Variants in TACC1 observed in about 807,000 individuals in gnomAD.
The protein encoded by TACC1 is transforming acidic coiled-coil containing protein 1, also known as transforming acidic coiled-coil-containing protein 1.
Under a neutral mutation model 84.4 loss-of-function variants are expected in TACC1, and 48 were observed. The observed-to-expected ratio is 0.57, with a 90% CI of 0.45 to 0.72. The LOEUF (loss-of-function observed/expected upper bound fraction) is 0.72, where lower values mean the gene tolerates loss of function less well. Ranked by LOEUF, TACC1 falls within the 30% of genes least tolerant of loss-of-function variation. The probability of loss-of-function intolerance (pLI) is 0.00; values close to 1 mark genes in which losing one functional copy is unlikely to be tolerated. For synonymous variants in TACC1, 372 were observed against 376.3 expected, an observed-to-expected ratio of 0.99 and a Z score of 0.13; for missense variants, 920 against 973.0, an observed-to-expected ratio of 0.95 and a Z score of 0.72.
intron 3 of TACC1, among the ~76,000 whole-genome samples, chr8:38,746,122 G>T (rs1808043110): frequency 6.6e-6 from 1 of 152,216 alleles, no homozygotes; most frequent in South Asian, 2.1e-4. Flanking sequence ...CAGCCGGCAA[G>T]GGCTTGAAAG....
At chr8:38,774,649 C>T (rs1814422538) in intron 3 of TACC1, among the ~76,000 whole-genome samples, 1 of 152,156 alleles carries the variant, frequency 6.6e-6, no homozygotes, top group Non-Finnish European at 1.5e-5. Context: ...TGCATTGCCA[C>T]ACCAGGCTAA....
At chr8:38,804,484 A>G (rs1822181894) in intron 2 of TACC1, among the ~76,000 whole-genome samples, 1 of 152,040 alleles carries the variant, frequency 6.6e-6, no homozygotes, top group Admixed American at 6.6e-5. Context: ...TATTTTTAGT[A>G]GAGATGGGGT....
At chr8:38,796,237 G>A (rs968972128) in intron 2 of TACC1, among the ~76,000 whole-genome samples, 5 of 152,202 alleles carry the variant, frequency 3.3e-5, no homozygotes, top group Non-Finnish European at 7.3e-5. Context: ...AGCCTTTACT[G>A]CTAGTAGTGG....
chr8:38,762,611 C>A (rs1224066821), intron 3 of TACC1, among the ~76,000 whole-genome samples: 1 of 151,166 alleles, frequency 6.6e-6, no homozygotes, highest in Non-Finnish European at 1.5e-5. Flanking sequence ...TGCTGGAGTA[C>A]AGTGGCGTGA....
At chr8:38,788,582 G>A in intron 1 of TACC1, 122 bp from the exon 2 acceptor site, 1 of 742,820 alleles carries the variant, frequency 1.3e-6, no homozygotes, top group Non-Finnish European at 2.2e-6. Context: ...CCCTGCTGAG[G>A]ACCGGTTGGT....
chr8:38,738,702 T>G (rs935841477), intron 1 of TACC1, among the ~76,000 whole-genome samples: 1 of 151,898 alleles, frequency 6.6e-6, no homozygotes, highest in African/African-American at 2.4e-5. Context: ...TACAAGATAC[T>G]CCAGGCTCAT....
At chr8:38,823,863 T>A (rs1425189451) in intron 3 of TACC1, 2 of 591,164 alleles carry the variant, frequency 3.4e-6, no homozygotes, top group African/African-American at 1.9e-5. Context: ...AATTTGTATC[T>A]CACCTCATAG....
intron 1 of TACC1, among the ~76,000 whole-genome samples, chr8:38,732,871 G>A (rs185378017): frequency 6.6e-6 from 1 of 152,162 alleles, no homozygotes; most frequent in African/African-American, 2.4e-5. Context: ...ATAATTCCTG[G>A]CTTAAGCCAT....
At chr8:38,751,120 G>C (rs1371809624) in intron 3 of TACC1, among the ~76,000 whole-genome samples, 1 of 152,054 alleles carries the variant, frequency 6.6e-6, no homozygotes, top group Admixed American at 6.5e-5. Context: ...AGGAGAGATG[G>C]GTAGCTCTGA....
At position 38,848,271 on chromosome 8, in the gene TACC1, G is replaced by A. The variant is rs927203105; in HGVS notation, c.*248G>A. The A allele has an allele frequency of 2.0e-5, 7 of 351,942 alleles. 1 individual carries two copies. The highest frequency in any genetic ancestry group is 1.5e-4 in the African/African-American group (7 of 47,658). The allele number at this position is 351,942 out of a possible 1,614,324, so 21.8% of individuals were successfully genotyped here. A position where few individuals can be genotyped will look rare whatever the true frequency, so the allele number is the denominator to read the frequency against. On this transcript the variant is annotated 3_prime_UTR_variant, in exon 13 of 13. Transcript: ENST00000317827. ...CTGGAGCCTCCTAGTTTCCCCCTAT[G>A]AAGGTTCCCTTAGGCTGCTGAGTTT...
At chr8:38,739,025 G>A (rs933868863) in intron 1 of TACC1, among the ~76,000 whole-genome samples, 5 of 152,102 alleles carry the variant, frequency 3.3e-5, no homozygotes, top group African/African-American at 1.2e-4. Context: ...TGAGTAGCTG[G>A]GATTACAGGC....
chr8:38,844,521 A>G (rs1384847815), intron 11 of TACC1, among the ~76,000 whole-genome samples: 3 of 152,146 alleles, frequency 2.0e-5, no homozygotes, highest in African/African-American at 4.8e-5. Context: ...CATCTATCTT[A>G]TGAATGAAAT....
chr8:38,761,474 G>A (rs1484751019), intron 3 of TACC1, among the ~76,000 whole-genome samples: 1 of 152,214 alleles, frequency 6.6e-6, no homozygotes, highest in East Asian at 1.9e-4. Context: ...GATCAATTAG[G>A]TGCTGGCTAT....
intron 2 of TACC1, among the ~76,000 whole-genome samples, chr8:38,794,495 G>T (rs1166461620): frequency 6.6e-6 from 1 of 152,098 alleles, no homozygotes; most frequent in Non-Finnish European, 1.5e-5. Flanking sequence ...TGACTGTGCA[G>T]ATCTCTTAAA....
chr8:38,840,900 T>C (rs566973084), intron 9 of TACC1, among the ~76,000 whole-genome samples: 1 of 152,140 alleles, frequency 6.6e-6, no homozygotes, highest in African/African-American at 2.4e-5. Context: ...TAATACAAAA[T>C]TAGCTGGGCG....
At chr8:38,794,475 A>G (rs1364313744) in intron 2 of TACC1, among the ~76,000 whole-genome samples, 3 of 152,086 alleles carry the variant, frequency 2.0e-5, no homozygotes, top group Non-Finnish European at 4.4e-5. Flanking sequence ...GTGTATGAGA[A>G]TTTGTAAGTT....
At chr8:38,738,835 G>A (rs1806497611) in intron 1 of TACC1, among the ~76,000 whole-genome samples, 1 of 152,112 alleles carries the variant, frequency 6.6e-6, no homozygotes, top group Non-Finnish European at 1.5e-5. Context: ...TGATACTGGG[G>A]TGCCATTGGT....
At chr8:38,839,723 T>C (rs1830857182) in intron 8 of TACC1, 1 of 174,984 alleles carries the variant, frequency 5.7e-6, no homozygotes, top group Non-Finnish European at 1.2e-5. Context: ...CCCAAGAGGT[T>C]GATCTTTAAA....
chr8:38,787,987 G>T, intron 1 of TACC1: 3 of 503,238 alleles, frequency 6.0e-6, no homozygotes, highest in South Asian at 5.7e-5. Context: ...CAGTCTCTCC[G>T]CATCCCCGCT....
Sources: allele counts gnomAD v4.1 joint callset (sites outside exome capture counted in the v4.1 genomes callset), GRCh38; gene constraint gnomAD v4.1.1; transcripts MANE v1.5; gene names NCBI Gene and HGNC (gene_info 2026-07-23, HGNC 2026-07-21).